PLAGL1: variants seen among roughly 807,000 people sequenced by gnomAD.
PLAGL1 encodes the protein zinc finger protein PLAGL1.
PLAGL1 carries 1 observed loss-of-function variant against 4.6 expected under a neutral mutation model. The observed-to-expected ratio is 0.22, with a 90% confidence interval of 0.08 to 1.03. PLAGL1 has a LOEUF of 1.03. PLAGL1 is among the 50% of genes least tolerant of loss of function. The probability of loss-of-function intolerance (pLI) is 0.58; values close to 1 mark genes in which losing one functional copy is unlikely to be tolerated. For missense variants in PLAGL1, 464 were observed against 570.4 expected (o/e 0.81, Z 1.90); for synonymous variants, 240 against 237.8 (o/e 1.01, Z -0.08).
intron 1 of PLAGL1, chr6:144,007,149 A>C (rs1390014587): frequency 6.6e-6 from 1 of 152,262 alleles, no homozygotes; most frequent in Admixed American, 6.5e-5. Context: ...ATTTACCACT[A>C]TTTAACTTCA....
rs868143667 is a variant in PLAGL1, at chr6:144,020,886, A to G, written c.-151+43582T>C. ...TAATATAAAATATATAGTATAATTT[A>G]TATAATTTATAATATAAATATATTT... On this transcript the variant is annotated intron_variant, in intron 1 of 3. Coordinates refer to the PLAGL1 transcript ENST00000437412. Among the ~76,000 whole-genome samples, 34 of 146,902 alleles carry G rather than the reference A, an allele frequency of 2.3e-4. No individual in the cohort carries two copies. The South Asian group carries it at 4.0e-3, about 17-fold the overall frequency.
chr6:144,025,750 G>A (rs1796296523), intron 1 of PLAGL1, among the ~76,000 whole-genome samples: 1 of 151,916 alleles, frequency 6.6e-6, no homozygotes, highest in East Asian at 1.9e-4. Flanking sequence ...AAAATTAGCT[G>A]GGTGTGGTGG....
At chr6:143,980,210 G>A (rs150730421) in intron 2 of PLAGL1, among the ~76,000 whole-genome samples, 1 of 151,926 alleles carries the variant, frequency 6.6e-6, no homozygotes, top group East Asian at 1.9e-4. Context: ...TTTTGTGCTT[G>A]CTTGATATTT....
chr6:144,028,077 C>A (rs1796505359), intron 1 of PLAGL1, among the ~76,000 whole-genome samples: 1 of 152,164 alleles, frequency 6.6e-6, no homozygotes, highest in South Asian at 2.1e-4. Context: ...ATCACTCTTA[C>A]TATAATTTTA....
chr6:143,944,212 T>A (rs945325515), intron 7 of PLAGL1, among the ~76,000 whole-genome samples: 4 of 152,182 alleles, frequency 2.6e-5, no homozygotes, highest in Non-Finnish European at 5.9e-5. Context: ...TAAGACAGTA[T>A]GTTTAAGTCA....
At position 144,013,954 on chromosome 6, in the gene PLAGL1, T is replaced by C. The variant is rs2128691379; in HGVS notation, c.-150-44976A>G. ...TTCGAGGGTCATCAGTCAGTCCTCATGTCAAAGTTGACATGGGCAAAATCC... is the reference window on the plus strand; with the variant it reads ...TTCGAGGGTCATCAGTCAGTCCTCACGTCAAAGTTGACATGGGCAAAATCC... On this transcript the variant is annotated intron_variant, in intron 1 of 3. Coordinates refer to the PLAGL1 transcript ENST00000437412. The surrounding 1 kb of genome is among the most constrained non-coding windows in gnomAD (Gnocchi z 4.4). 6.6e-6 allele frequency among the ~76,000 whole-genome samples: 1 copy of C among 152,326 alleles called. No homozygotes were observed. Among genetic ancestry groups the C allele is most frequent in the East Asian group, 1.9e-4 (1 of 5,188 alleles).
Position 143,955,038 on chromosome 6 carries a change from T to C in PLAGL1, c.-325+5431A>G, listed in dbSNP as rs562546178. On this transcript the variant is annotated intron_variant, in intron 6 of 7. Transcript: ENST00000674357. The surrounding 1 kb of genome is among the most constrained non-coding windows in gnomAD (Gnocchi z 4.9). ...TGGACAGGATATATTCAAAGATGTGTTTCCTCAGGAATGAATGGACAGAAT... is the reference window on the plus strand; with the variant it reads ...TGGACAGGATATATTCAAAGATGTGCTTCCTCAGGAATGAATGGACAGAAT... Among the ~76,000 whole-genome samples the C allele has an allele frequency of 6.6e-6, 1 of 152,356 alleles. No homozygotes were observed. The highest frequency in any genetic ancestry group is 2.4e-5 in the African/African-American group (1 of 41,584).
At position 143,983,758 on chromosome 6, in the gene PLAGL1, A is replaced by C. The variant is rs113009237; in HGVS notation, c.-544+1377T>G. Among the ~76,000 whole-genome samples the C allele has an allele frequency of 0.013, 2,015 of 152,232 alleles. 25 individuals carry two copies. Among genetic ancestry groups the C allele is most frequent in the Non-Finnish European group, 0.018 (1,219 of 68,004 alleles). On this transcript the variant is annotated intron_variant, in intron 2 of 7. Coordinates refer to ENST00000674357, the MANE Select transcript of PLAGL1 (RefSeq NM_001317162.2). The surrounding 1 kb of genome is among the most constrained non-coding windows in gnomAD (Gnocchi z 6.6). ...GTGTAAAAGTTGTATGTCTAGGTGG[A>C]GTTAAAAATGTGTTGGAGTGGGAGG...
At chr6:143,969,050 T>C (rs1298158085) in intron 2 of PLAGL1, 72 bp from the exon 3 acceptor site, 2 of 150,554 alleles carry the variant, frequency 1.3e-5, no homozygotes, top group African/African-American at 4.9e-5. Context: ...GTACTATGAA[T>C]GCTGACATTT....
intron 1 of PLAGL1, among the ~76,000 whole-genome samples, chr6:144,052,890 A>G (rs771027216): frequency 6.6e-6 from 1 of 152,212 alleles, no homozygotes; most frequent in Non-Finnish European, 1.5e-5. Flanking sequence ...CTTAGAACAA[A>G]AATGTAAAAA....
chr6:143,956,110 T>C (rs1351083909), intron 6 of PLAGL1, among the ~76,000 whole-genome samples: 1 of 152,222 alleles, frequency 6.6e-6, no homozygotes, highest in Non-Finnish European at 1.5e-5. Context: ...ACCTAACTTA[T>C]ACAGGCGATT....
At chr6:144,031,523 T>C (rs565394901) in intron 1 of PLAGL1, among the ~76,000 whole-genome samples, 43 of 152,338 alleles carry the variant, frequency 2.8e-4, no homozygotes, top group African/African-American at 9.9e-4. Context: ...AGTTGATCTT[T>C]GTATAAGAAG....
rs1042154031 is a variant in PLAGL1, at chr6:143,949,212, G to A, written c.-324-752C>T. Among the ~76,000 whole-genome samples the A allele has an allele frequency of 5.9e-5, 9 of 152,110 alleles. 1 individual carries two copies. The highest frequency in any genetic ancestry group is 1.7e-4 in the African/African-American group (7 of 41,414). ...TGGAGGGCCCATCCAGCTACCTGCTGGTAGGCCACCTCCAGGAGATGGGCC... is the reference window on the plus strand; with the variant it reads ...TGGAGGGCCCATCCAGCTACCTGCTAGTAGGCCACCTCCAGGAGATGGGCC... On this transcript the variant is annotated intron_variant, in intron 6 of 7. Coordinates refer to ENST00000674357, the MANE Select transcript of PLAGL1 (RefSeq NM_001317162.2). This position sits in a 1 kb window ranked among gnomAD's most constrained non-coding sequence, Gnocchi z 5.3.
rs976227038 is a variant in PLAGL1 at position 144,039,029 on chromosome 6, A to G, written c.-151+25439T>C. 2.0e-5 allele frequency among the ~76,000 whole-genome samples: 3 copies of G among 152,224 alleles called. No individual in the cohort carries two copies. Among genetic ancestry groups the G allele is most frequent in the African/African-American group, 4.8e-5 (2 of 41,456 alleles). On this transcript the variant is annotated intron_variant, in intron 1 of 3. Transcript: ENST00000437412. This position sits in a 1 kb window ranked among gnomAD's most constrained non-coding sequence, Gnocchi z 4.1. ...CACATCATAAAAATTGCTGAGAGCC[A>G]GTAATATAGAAAATAAATATCAGAA...
intron 1 of PLAGL1, among the ~76,000 whole-genome samples, chr6:143,991,258 T>C (rs1156420274): frequency 1.3e-5 from 2 of 152,228 alleles, no homozygotes; most frequent in Non-Finnish European, 2.9e-5. Flanking sequence ...ATATTTATGT[T>C]ATAAATTATG....
chr6:144,024,990 C>T (rs1043814572), intron 1 of PLAGL1, among the ~76,000 whole-genome samples: 1 of 152,134 alleles, frequency 6.6e-6, no homozygotes, highest in Admixed American at 6.6e-5. Flanking sequence ...GCATAACTCC[C>T]CATTCCTTAA....
At position 144,034,372 on chromosome 6, in the gene PLAGL1, C is replaced by T. The variant is rs1463748436; in HGVS notation, c.-151+30096G>A. Among the ~76,000 whole-genome samples the T allele has an allele frequency of 6.6e-6, 1 of 152,222 alleles. No homozygotes were observed. The highest frequency in any genetic ancestry group is 1.5e-5 in the Non-Finnish European group (1 of 68,040). On this transcript the variant is annotated intron_variant, in intron 1 of 3. Transcript: ENST00000437412. The surrounding 1 kb of genome is among the most constrained non-coding windows in gnomAD (Gnocchi z 4.7). Reference sequence around the variant, plus strand: ...CACAGCCCCCAGGCTGACTGGAAGACGGGGCTCACTGCACACTCATCCCAA... The same window carrying T: ...CACAGCCCCCAGGCTGACTGGAAGATGGGGCTCACTGCACACTCATCCCAA...
rs1289159205 is a variant in PLAGL1 at position 144,027,045 on chromosome 6, C to G, written c.-151+37423G>C. On this transcript the variant is annotated intron_variant, in intron 1 of 3. Coordinates refer to the PLAGL1 transcript ENST00000437412. The surrounding 1 kb of genome is among the most constrained non-coding windows in gnomAD (Gnocchi z 5.8). Reference sequence around the variant, plus strand: ...TGGGTAAAAAAGTAAGACCCCACCCCCCGACTCTACAAAAACAAAATTAAA... The same window carrying G: ...TGGGTAAAAAAGTAAGACCCCACCCGCCGACTCTACAAAAACAAAATTAAA... 6.6e-6 allele frequency among the ~76,000 whole-genome samples: 1 copy of G among 151,698 alleles called. No homozygotes were observed. The highest frequency in any genetic ancestry group is 2.4e-5 in the African/African-American group (1 of 41,238).
rs935822859 is a variant in PLAGL1 at position 143,978,480 on chromosome 6, A to C, written c.-544+6655T>G. Among the ~76,000 whole-genome samples the C allele has an allele frequency of 1.3e-5, 2 of 152,174 alleles. No individual in the cohort carries two copies. The highest frequency in any genetic ancestry group is 2.9e-5 in the Non-Finnish European group (2 of 68,026). On this transcript the variant is annotated intron_variant, in intron 2 of 7. Coordinates refer to ENST00000674357, the MANE Select transcript of PLAGL1 (RefSeq NM_001317162.2). The surrounding 1 kb of genome is among the most constrained non-coding windows in gnomAD (Gnocchi z 4.6). ...TCCAAATATTTGGAAAATTTCCAGCACTTTTTTCAGTATTAACTTTTAGTT... is the reference window on the plus strand; with the variant it reads ...TCCAAATATTTGGAAAATTTCCAGCCCTTTTTTCAGTATTAACTTTTAGTT...
Sources: gnomAD v4.1 joint callset for allele counts (sites outside exome capture counted in the v4.1 genomes callset) on GRCh38, gnomAD v4.1.1 for gene constraint, Gnocchi (gnomAD v3.1) non-coding constraint, MANE v1.5 for transcripts, NCBI Gene and HGNC (gene_info 2026-07-23, HGNC 2026-07-21) for gene names.